MYO6: variants seen among roughly 807,000 people sequenced by gnomAD.
MYO6 encodes unconventional myosin-VI.
MYO6 carries 74 observed loss-of-function variants against 178.7 expected under a neutral mutation model. The observed-to-expected ratio is 0.41, with a 90% CI of 0.34 to 0.50. The LOEUF is 0.50. Ranked by LOEUF, MYO6 falls within the 20% of genes least tolerant of loss-of-function variation. MYO6 has a pLI of 0.09. For synonymous variants in MYO6, 477 were observed against 504.6 expected, an observed-to-expected ratio of 0.95 and a Z score of 0.73; for missense variants, 1,330 against 1,547.4, an observed-to-expected ratio of 0.86 and a Z score of 2.36.
chr6:75,808,209 G>C (rs1770297290), intron 1 of MYO6, among the ~76,000 whole-genome samples: 1 of 152,160 alleles, frequency 6.6e-6, no homozygotes, highest in East Asian at 1.9e-4. Context: ...TTTGTATTCT[G>C]ACACAGAAAT....
rs755216302 is a variant in MYO6 at position 75,881,773 on chromosome 6, A to G, written c.2371A>G (p.Ser791Gly). ...AAGAGTCAATCACTGGCTCACATGC[A>G]GTCGCTGGAAGAAAGTTCAGTGGTG... ...VKRVNHWLTC[S>G]RWKKVQWCSL... The change falls in exon 23 of 35, where the codon AGT becomes GGT. Residue 791 changes from serine (S) to glycine (G), a missense_variant. Around this residue, in one of 3 missense-constraint regions of MYO6, gnomAD observed 601 missense variants for 626.1 expected, o/e 0.96. Transcript: ENST00000369977. 1 of 1,614,052 alleles carries G rather than the reference A, an allele frequency of 6.2e-7. No individual in the cohort carries two copies. The highest frequency in any genetic ancestry group is 1.7e-5 in the Admixed American group (1 of 60,018).
chr6:75,866,921 T>C lies in MYO6; in HGVS notation c.1771-11T>C. 6.2e-7 allele frequency: 1 copy of C among 1,613,492 alleles called. No individual in the cohort carries two copies. Among genetic ancestry groups the C allele is most frequent in the Non-Finnish European group, 8.5e-7 (1 of 1,179,554 alleles). On this transcript the variant is annotated splice_polypyrimidine_tract_variant and intron_variant, in intron 17 of 34. Coordinates refer to ENST00000369977, the MANE Select transcript of MYO6 (RefSeq NM_004999.4). ...ATGGACAGAAACATTCCTGTTTGAT[T>C]TATTTTTCAGACCCAGTTTGTGGAG...
chr6:75,833,899 C>G (rs2150225721), intron 6 of MYO6, among the ~76,000 whole-genome samples: 1 of 152,252 alleles, frequency 6.6e-6, no homozygotes, highest in South Asian at 2.1e-4. Flanking sequence ...TGGGCTCTAT[C>G]CTTTTTAAGA....
intron 30 of MYO6, 83 bp from the exon 31 acceptor site, chr6:75,907,521 AC>A: frequency 9.2e-7 from 1 of 1,088,110 alleles, no homozygotes; most frequent in Non-Finnish European, 1.4e-6. Context: ...CGGTTTTCAA[AC>A]TTATGCATGC....
At chr6:75,785,569 C>T (rs1308364468) in intron 1 of MYO6, among the ~76,000 whole-genome samples, 1 of 150,252 alleles carries the variant, frequency 6.7e-6, no homozygotes, top group Non-Finnish European at 1.5e-5. Flanking sequence ...AAATCCTGGG[C>T]TCAAGCGATC....
Position 75,799,389 on chromosome 6 carries a change from TAAA to T in MYO6, c.-47-18097_-47-18095del, listed in dbSNP as rs11358717. Among the ~76,000 whole-genome samples, 33 of 133,746 alleles carry T rather than the reference TAAA, an allele frequency of 2.5e-4. No homozygotes were observed. In the East Asian group the frequency reaches 3.6e-3, roughly 15 times the overall value. 87.7% of individuals were successfully genotyped at this position (133,746 alleles called of 152,430 possible). ...CGGACGACAAGAGCAAAACTCTGTC[TAAA>T]AAAAAAAAAAAAAAGTATTTTACTT... On this transcript the variant is annotated intron_variant, in intron 1 of 34. Transcript: ENST00000369977.
At chr6:75,787,676 T>TTCTCTCTC (rs765565236) in intron 1 of MYO6, among the ~76,000 whole-genome samples, 2 of 24,988 alleles carry the variant, frequency 8.0e-5, no homozygotes, top group Non-Finnish European at 1.3e-4. Flanking sequence ...AATGGAACTA[T>TTCTCTCTC]TCTCTCTCTC....
intron 30 of MYO6, among the ~76,000 whole-genome samples, chr6:75,899,568 C>G (rs1345918609): frequency 6.6e-6 from 1 of 151,960 alleles, no homozygotes; most frequent in Non-Finnish European, 1.5e-5. Context: ...CATTTTTGAG[C>G]AAAGCAATTA....
intron 1 of MYO6, among the ~76,000 whole-genome samples, chr6:75,781,226 G>A (rs999009290): frequency 4.6e-5 from 7 of 152,196 alleles, no homozygotes; most frequent in Non-Finnish European, 8.8e-5. Flanking sequence ...ACTATGTAAA[G>A]TTAAAAGTAG....
At chr6:75,881,407 T>A (rs1200351351) in intron 22 of MYO6, among the ~76,000 whole-genome samples, 1 of 149,970 alleles carries the variant, frequency 6.7e-6, no homozygotes, top group Non-Finnish European at 1.5e-5. Context: ...GCTAGCCATC[T>A]GTAATTTAAA....
intron 6 of MYO6, among the ~76,000 whole-genome samples, chr6:75,835,443 T>G (rs983849283): frequency 6.6e-6 from 1 of 152,110 alleles, no homozygotes; most frequent in Non-Finnish European, 1.5e-5. Context: ...TATATATATA[T>G]TTTTTTGAAA....
At chr6:75,891,155 A>G in intron 26 of MYO6, 73 bp from the exon 27 acceptor site, 1 of 978,530 alleles carries the variant, frequency 1.0e-6, no homozygotes, top group South Asian at 1.5e-5. Context: ...ATTATTAAAT[A>G]ATAGTTAAAT....
chr6:75,834,136 C>T (rs1360577305), intron 6 of MYO6, among the ~76,000 whole-genome samples: 2 of 152,174 alleles, frequency 1.3e-5, no homozygotes, highest in East Asian at 1.9e-4. Flanking sequence ...ATTTCTATTT[C>T]CCTATAGTCT....
intron 1 of MYO6, among the ~76,000 whole-genome samples, chr6:75,817,121 C>T (rs898992877): frequency 1.4e-4 from 22 of 152,032 alleles, no homozygotes; most frequent in African/African-American, 4.8e-4. Context: ...CTGGCTAACA[C>T]GGTGAAATCC....
chr6:75,768,579 A>G (rs1778649403), intron 1 of MYO6, among the ~76,000 whole-genome samples: 3 of 151,596 alleles, frequency 2.0e-5, no homozygotes, highest in African/African-American at 7.3e-5. Context: ...ATGGGGTTTC[A>G]CCATGTTGGC....
chr6:75,781,917 C>CAAAAAA (rs10584481), intron 1 of MYO6, among the ~76,000 whole-genome samples: 1 of 44,680 alleles, frequency 2.2e-5, no homozygotes, highest in Non-Finnish European at 4.4e-5. Context: ...GACTCCATCT[C>CAAAAAA]AAAAAAAAAA....
At chr6:75,901,350 T>C (rs563421045) in intron 30 of MYO6, among the ~76,000 whole-genome samples, 6 of 152,378 alleles carry the variant, frequency 3.9e-5, no homozygotes, top group African/African-American at 1.4e-4. Flanking sequence ...ACGATATTGA[T>C]TCTTCCTACC....
intron 6 of MYO6, among the ~76,000 whole-genome samples, chr6:75,833,853 A>G (rs952159773): frequency 6.6e-6 from 1 of 152,316 alleles, no homozygotes; most frequent in East Asian, 1.9e-4. Context: ...TTGACTTTTA[A>G]TACCTTTGCA....
At chr6:75,847,233 A>G (rs1223741051) in intron 10 of MYO6, among the ~76,000 whole-genome samples, 1 of 152,092 alleles carries the variant, frequency 6.6e-6, no homozygotes, top group Non-Finnish European at 1.5e-5. Flanking sequence ...ATAAAATTGA[A>G]TTTTATTGTC....
Sources: gnomAD v4.1 joint callset for allele counts (sites outside exome capture counted in the v4.1 genomes callset) on GRCh38, gnomAD v4.1.1 for gene constraint, gnomAD v4.1.1 regional missense constraint, MANE v1.5 for transcripts, NCBI Gene and HGNC (gene_info 2026-07-23, HGNC 2026-07-21) for gene names.